MORC2: variants seen among roughly 807,000 people sequenced by gnomAD.
The protein encoded by MORC2 is ATPase MORC2.
Under a neutral mutation model 136.0 loss-of-function variants are expected in MORC2, and 30 were observed. The observed-to-expected ratio is 0.22, with a 90% CI of 0.17 to 0.30. MORC2 has a LOEUF of 0.30. Ranked by LOEUF, MORC2 falls within the 10% of genes least tolerant of loss-of-function variation. The pLI is 1.00. For missense variants in MORC2, 922 were observed against 1,333.1 expected (o/e 0.69, Z 4.80); for synonymous variants, 439 against 487.0 (o/e 0.90, Z 1.30).
chr22:30,927,962 C>T, intron 25 of MORC2, 57 bp downstream of exon 25: 1 of 1,588,938 alleles, frequency 6.3e-7, no homozygotes, highest in Non-Finnish European at 8.6e-7. Context: ...AGGGCCCAGG[C>T]CCCCCTCCCT....
At chr22:30,961,222 A>T (rs1024650536) in intron 1 of MORC2, among the ~76,000 whole-genome samples, 11 of 151,136 alleles carry the variant, frequency 7.3e-5, no homozygotes, top group Middle Eastern at 3.2e-3. Context: ...GTAAAAATTT[A>T]AAAAAAAAAT....
chr22:30,956,634 A>G lies in MORC2; in HGVS notation c.157+129T>C, dbSNP rs549882705. ...GACTACGGCTGCCCCTTTTCTACCTATGACCTGGAATAATCATGCCATCTT... is the reference window on the plus strand; with the variant it reads ...GACTACGGCTGCCCCTTTTCTACCTGTGACCTGGAATAATCATGCCATCTT... On this transcript the variant is annotated intron_variant, in intron 3 of 25. Transcript: ENST00000397641. 10 of 760,326 alleles carry G rather than the reference A, an allele frequency of 1.3e-5. No individual in the cohort carries two copies. The South Asian group carries it at 1.9e-4, about 14-fold the overall frequency. The allele number at this position is 760,326 out of a possible 1,614,324, so 47.1% of individuals were successfully genotyped here. A position where few individuals can be genotyped will look rare whatever the true frequency, so the allele number is the denominator to read the frequency against.
chr22:30,942,791 G>C (rs1157090261), intron 6 of MORC2, among the ~76,000 whole-genome samples: 1 of 152,086 alleles, frequency 6.6e-6, no homozygotes, highest in Non-Finnish European at 1.5e-5. Flanking sequence ...GACTGCCTGA[G>C]CTCAGGAGTT....
intron 11 of MORC2, 22 bp from the exon 12 acceptor site, chr22:30,939,728 G>A (rs761839051): frequency 6.2e-7 from 1 of 1,610,348 alleles, no homozygotes; most frequent in South Asian, 1.1e-5. Context: ...GACATCAGGT[G>A]AGGGGAGGTG....
chr22:30,956,026 A>AG (rs2040962918), intron 3 of MORC2, among the ~76,000 whole-genome samples: 1 of 151,442 alleles, frequency 6.6e-6, no homozygotes, highest in South Asian at 2.1e-4. Flanking sequence ...AAAAAAAAAA[A>AG]GCTGTCTTCC....
chr22:30,949,375 A>T (rs566157859), intron 5 of MORC2, among the ~76,000 whole-genome samples: 1 of 152,322 alleles, frequency 6.6e-6, no homozygotes, highest in South Asian at 2.1e-4. Flanking sequence ...TGCTCAGGGA[A>T]CACTGCTGCA....
At chr22:30,927,316 C>G (rs1253773852) in intron 25 of MORC2, among the ~76,000 whole-genome samples, 2 of 152,012 alleles carry the variant, frequency 1.3e-5, no homozygotes, top group Non-Finnish European at 2.9e-5. Context: ...CCACACCCCT[C>G]CAGTGATCTC....
chr22:30,945,369 G>A (rs1273519335), intron 6 of MORC2, among the ~76,000 whole-genome samples: 1 of 152,122 alleles, frequency 6.6e-6, no homozygotes, highest in Admixed American at 6.5e-5. Context: ...TATGATTAAG[G>A]CTCAGATCTA....
chr22:30,961,072 G>A (rs890642424), intron 1 of MORC2, among the ~76,000 whole-genome samples: 4 of 151,612 alleles, frequency 2.6e-5, no homozygotes, highest in Non-Finnish European at 5.9e-5. Context: ...GTTTCACCAA[G>A]TTGGTCAGGC....
At chr22:30,945,778 C>T (rs2040807779) in intron 6 of MORC2, among the ~76,000 whole-genome samples, 1 of 152,206 alleles carries the variant, frequency 6.6e-6, no homozygotes, top group African/African-American at 2.4e-5. Context: ...TGTGTAGCAG[C>T]CACTCCCAAG....
At chr22:30,939,905 T>C (rs1386205030) in intron 11 of MORC2, 54 bp downstream of exon 11, 2 of 1,566,538 alleles carry the variant, frequency 1.3e-6, no homozygotes, top group Admixed American at 3.5e-5. Context: ...TCATGGGACA[T>C]GGGCTCCTAG....
intron 3 of MORC2, among the ~76,000 whole-genome samples, chr22:30,955,258 T>A (rs1055914095): frequency 1.3e-5 from 2 of 151,766 alleles, no homozygotes; most frequent in Non-Finnish European, 2.9e-5. Flanking sequence ...ACGCCCAGCC[T>A]TGGCCTGAGC....
intron 17 of MORC2, among the ~76,000 whole-genome samples, chr22:30,936,155 G>A (rs145082139): frequency 6.6e-6 from 1 of 152,130 alleles, no homozygotes; most frequent in Non-Finnish European, 1.5e-5. Context: ...ATATATGTGT[G>A]TTATGTGTAG....
chr22:30,940,655 C>T (rs2040729644), intron 10 of MORC2, 103 bp downstream of exon 10: 4 of 970,816 alleles, frequency 4.1e-6, no homozygotes, highest in Non-Finnish European at 6.7e-6. Flanking sequence ...CCAGCCTTGT[C>T]CCTGAGTTGT....
chr22:30,967,750 G>A (rs1190341745), intron 1 of MORC2, 72 bp downstream of exon 1: 2 of 1,542,474 alleles, frequency 1.3e-6, no homozygotes, highest in African/African-American at 2.8e-5. Flanking sequence ...AAAATTTTCT[G>A]GGGAAACGAT....
At position 30,928,366 on chromosome 22, in the gene MORC2, G is replaced by C. The variant is rs959358112; in HGVS notation, c.2842-159C>G. On this transcript the variant is annotated intron_variant, in intron 24 of 25. Coordinates refer to ENST00000397641, the MANE Select transcript of MORC2 (RefSeq NM_001303256.3). The stretch of plus-strand genomic sequence containing the variant: ...GGCAAACAGCCTCTTTACGTCCAGA[G>C]TAGAGAGACATCAATGCCTATCTTG... 290 of 669,914 alleles carry C rather than the reference G, an allele frequency of 4.3e-4. 2 individuals are homozygous for C. The highest frequency in any genetic ancestry group is 1.9e-4 in the Admixed American group (7 of 37,010). The allele number at this position is 669,914 out of a possible 1,614,324, so 41.5% of individuals were successfully genotyped here.
In MORC2 at chr22:30,942,219, T is replaced by C; in HGVS notation, c.479A>G (p.Asp160Gly). ...WNARTREPVT[D>G]NVEKFAIETE... is the part of the protein sequence containing the mutation. ...CTCAATGGCAAATTTCTCTACATTG[T>C]CTGTGACAGGTTCCCGGGTCCGAGC... Residue 160 changes from aspartate (D) to glycine (G), a missense_variant, in exon 7 of 26, where the codon GAC becomes GGC. Transcript: ENST00000397641. 1 of 1,614,122 alleles carries C rather than the reference T, an allele frequency of 6.2e-7. No individual in the cohort carries two copies. The highest frequency in any genetic ancestry group is 8.5e-7 in the Non-Finnish European group (1 of 1,180,038).
intron 3 of MORC2, 32 bp from the exon 4 acceptor site, chr22:30,950,477 G>A (rs754098697): frequency 5.0e-6 from 8 of 1,604,676 alleles, no homozygotes; most frequent in African/African-American, 4.0e-5. Flanking sequence ...TTACTGGGCC[G>A]TTACCCACCA....
chr22:30,950,224 C>A (rs1418789784), intron 4 of MORC2, among the ~76,000 whole-genome samples, 153 bp downstream of exon 4: 1 of 152,138 alleles, frequency 6.6e-6, no homozygotes, highest in Non-Finnish European at 1.5e-5. Context: ...TAGAATTAAG[C>A]CTGAGATGTT....
Sources: allele counts gnomAD v4.1 joint callset (sites outside exome capture counted in the v4.1 genomes callset), GRCh38; gene constraint gnomAD v4.1.1; transcripts MANE v1.5; gene names NCBI Gene and HGNC (gene_info 2026-07-23, HGNC 2026-07-21).